The following TULP2 variants were observed in gnomAD, a reference collection of about 807,000 sequenced individuals.
The protein encoded by TULP2 is tubby-related protein 2.
Under a neutral mutation model 60.3 loss-of-function variants are expected in TULP2, and 64 were observed. That is an observed-to-expected ratio of 1.06 (90% CI 0.87 to 1.31). TULP2 has a LOEUF of 1.31. Among genes scored for constraint, TULP2 ranks in the 50% most tolerant of loss-of-function variants. The pLI is 0.00. For synonymous variants in TULP2, 267 were observed against 265.4 expected (o/e 1.01, Z -0.06); for missense variants, 652 against 667.0 (o/e 0.98, Z 0.25).
Position 48,897,982 on chromosome 19 carries a change from T to G in TULP2, c.-1-113A>C. 1 of 906,514 alleles carries G rather than the reference T, an allele frequency of 1.1e-6. No individual in the cohort carries two copies. The highest frequency in any genetic ancestry group is 1.7e-5 in the African/African-American group (1 of 57,612). 56.2% of individuals were successfully genotyped at this position (906,514 alleles called of 1,614,324 possible). ...TTATTTATTTATTTATTTATTTATG[T>G]ATTTAGAGACAGCTGAGCCTCGCTC... is the stretch of plus-strand genomic sequence containing the variant. On this transcript the variant is annotated intron_variant, in intron 1 of 12. Transcript: ENST00000221399. This position sits in a 1 kb window ranked among gnomAD's most constrained non-coding sequence, Gnocchi z 4.0.
Position 48,897,410 on chromosome 19 carries a change from A to G in TULP2, c.33-14T>C. ...TGCCCCAGGATGCTGAGAGAGACAC[A>G]GGCCCATGGTGACAGTGCACAGGGA... On this transcript the variant is annotated splice_polypyrimidine_tract_variant and intron_variant, in intron 2 of 12. Coordinates refer to ENST00000221399, the MANE Select transcript of TULP2 (RefSeq NM_003323.3). The surrounding 1 kb of genome is among the most constrained non-coding windows in gnomAD (Gnocchi z 4.0). 1.2e-6 allele frequency: 2 copies of G among 1,613,198 alleles called. No homozygotes were observed. The highest frequency in any genetic ancestry group is 1.7e-6 in the Non-Finnish European group (2 of 1,179,596).
Position 48,895,384 on chromosome 19 carries a change from T to C in TULP2, c.331A>G (p.Thr111Ala). ...CAAATACCTGCTTCTGTCCGCGGTGTCGGGAGGCCGCGCTCGCCCCTGCCG... is the reference window on the plus strand; with the variant it reads ...CAAATACCTGCTTCTGTCCGCGGTGCCGGGAGGCCGCGCTCGCCCCTGCCG... ...GDGRGERGLP[T>A]PRTEAVFRNL... The change falls in exon 5 of 13, where the codon ACA becomes GCA. Residue 111 changes from threonine (T) to alanine (A), a missense_variant. Coordinates refer to ENST00000221399, the MANE Select transcript of TULP2 (RefSeq NM_003323.3). 1 of 1,613,772 alleles carries C rather than the reference T, an allele frequency of 6.2e-7. No individual in the cohort carries two copies. Among genetic ancestry groups the C allele is most frequent in the Non-Finnish European group, 8.5e-7 (1 of 1,179,830 alleles).
intron 7 of TULP2, among the ~76,000 whole-genome samples, chr19:48,889,030 G>A (rs1262808601): frequency 6.7e-6 from 1 of 150,042 alleles, no homozygotes; most frequent in Admixed American, 6.7e-5. Context: ...TGTCTCCCGG[G>A]CTGGAGTGCA....
In TULP2 at chr19:48,897,434, G is replaced by A. The variant is rs770366792; in HGVS notation, c.33-38C>T. 3.4e-5 allele frequency: 54 copies of A among 1,608,958 alleles called. No homozygotes were observed. In the African/African-American group the frequency reaches 6.7e-4, roughly 20 times the overall value. ...CAGGCCCATGGTGACAGTGCACAGG[G>A]AACCTCGGTTGCCCAAGAGAGTCCC... is the stretch of plus-strand genomic sequence containing the variant. On this transcript the variant is annotated intron_variant, in intron 2 of 12. Transcript: ENST00000221399. This position sits in a 1 kb window ranked among gnomAD's most constrained non-coding sequence, Gnocchi z 4.0.
intron 4 of TULP2, 115 bp downstream of exon 4, chr19:48,896,315 C>T: frequency 7.2e-7 from 1 of 1,382,474 alleles, no homozygotes; most frequent in South Asian, 1.5e-5. Context: ...GGCCCGCCCC[C>T]ATCCACTGCC....
Position 48,887,878 on chromosome 19 carries a change from C to T in TULP2, c.948+72G>A, listed in dbSNP as rs544532897. 2.9e-4 allele frequency: 439 copies of T among 1,527,300 alleles called. 4 individuals carry two copies. The South Asian group carries it at 5.1e-3, about 18-fold the overall frequency. 94.6% of individuals were successfully genotyped at this position (1,527,300 alleles called of 1,614,324 possible). A position where few individuals can be genotyped will look rare whatever the true frequency, so the allele number is the denominator to read the frequency against. ...CAGCCCCAGGCTGGTCTTGACCTAGCTCAGAAAGGAGTGGGATTTTGCCTG... is the reference window on the plus strand; with the variant it reads ...CAGCCCCAGGCTGGTCTTGACCTAGTTCAGAAAGGAGTGGGATTTTGCCTG... On this transcript the variant is annotated intron_variant, in intron 8 of 12. Coordinates refer to ENST00000221399, the MANE Select transcript of TULP2 (RefSeq NM_003323.3).
chr19:48,895,295 AG>A (rs1242370598), intron 5 of TULP2, 70 bp downstream of exon 5: 17 of 1,586,588 alleles, frequency 1.1e-5, no homozygotes, highest in Non-Finnish European at 1.5e-5. Context: ...AGATGGATTG[AG>A]GCACCAGACT....
intron 8 of TULP2, among the ~76,000 whole-genome samples, chr19:48,886,390 TCTC>T (rs886411227): frequency 4.5e-4 from 69 of 151,858 alleles, no homozygotes; most frequent in African/African-American, 1.6e-3. Flanking sequence ...TATCTTAATA[TCTC>T]CTCCTCATTC....
rs2037138494 is a variant in TULP2, at chr19:48,882,098, G to T, written c.1381C>A (p.Leu461Ile). The T allele has an allele frequency of 1.9e-6, 3 of 1,614,098 alleles. No individual in the cohort carries two copies. Among genetic ancestry groups the T allele is most frequent in the Admixed American group, 1.7e-5 (1 of 59,998 alleles). The change falls in exon 12 of 13, where the codon CTC becomes ATC. Residue 461 changes from leucine (L) to isoleucine (I), a missense_variant. By Grantham distance (5) the Leu-to-Ile change is conservative. Coordinates refer to ENST00000221399, the MANE Select transcript of TULP2 (RefSeq NM_003323.3). ...SWDKENGVYT[L>I]NFHGRVTRAS... ...CGAGTGACTCGACCATGGAAATTGA[G>T]CGTGTAGACACCGTTCTCCTTGTCC...
chr19:48,892,395 C>G (rs538841563), intron 6 of TULP2, among the ~76,000 whole-genome samples: 1 of 152,364 alleles, frequency 6.6e-6, no homozygotes, highest in African/African-American at 2.4e-5. Context: ...GCACATCCTG[C>G]CCAGCCCTAA....
chr19:48,888,303 G>T (rs375159358), intron 7 of TULP2, 42 bp from the exon 8 acceptor site: 60 of 1,541,422 alleles, frequency 3.9e-5, no homozygotes, highest in Non-Finnish European at 5.2e-5. Flanking sequence ...ACAACCACCG[G>T]CCCAGCCTTG....
intron 6 of TULP2, among the ~76,000 whole-genome samples, chr19:48,889,945 C>T (rs559674410): frequency 6.6e-6 from 1 of 152,338 alleles, no homozygotes; most frequent in South Asian, 2.1e-4. Flanking sequence ...GGCGCAGGGA[C>T]CTCTGCCTAG....
At position 48,883,954 on chromosome 19, in the gene TULP2, T is replaced by C. The variant is rs751910013; in HGVS notation, c.1154A>G (p.Gln385Arg). The C allele has an allele frequency of 6.2e-7, 1 of 1,614,116 alleles. No individual in the cohort carries two copies. The highest frequency in any genetic ancestry group is 1.1e-5 in the South Asian group (1 of 91,082). ...HLTRNTARIR[Q>R]ELGAVCYEPN... ...CACATAACACACAGCCCCCAGCTCC[T>C]GTCTGATCCGGGCAGTATTCCTGGT... The change falls in exon 10 of 13, where the codon CAG becomes CGG. Residue 385 changes from glutamine (Q) to arginine (R), a missense_variant. Coordinates refer to ENST00000221399, the MANE Select transcript of TULP2 (RefSeq NM_003323.3).
In TULP2 at chr19:48,895,395, C is replaced by T; in HGVS notation, c.320G>A (p.Arg107His). 2 of 1,613,834 alleles carry T rather than the reference C, an allele frequency of 1.2e-6. No individual in the cohort carries two copies. The highest frequency in any genetic ancestry group is 1.7e-5 in the Admixed American group (1 of 59,988). The change falls in exon 5 of 13, where the codon CGC (arginine) becomes CAC (histidine). Residue 107 changes from arginine to histidine, a missense_variant. Arg to His is a conservative substitution (Grantham distance 29). Coordinates refer to ENST00000221399, the MANE Select transcript of TULP2 (RefSeq NM_003323.3). ...VSCGGDGRGERGLPTPRTEAV... is the reference protein window; with the variant it reads ...VSCGGDGRGEHGLPTPRTEAV... ...TTCTGTCCGCGGTGTCGGGAGGCCGCGCTCGCCCCTGCCGTCTCCACCACA... is the reference window on the plus strand; with the variant it reads ...TTCTGTCCGCGGTGTCGGGAGGCCGTGCTCGCCCCTGCCGTCTCCACCACA...
chr19:48,885,500 G>A lies in TULP2; in HGVS notation c.1009C>T (p.Leu337=). 6.2e-7 allele frequency: 1 copy of A among 1,613,984 alleles called. No homozygotes were observed. Among genetic ancestry groups the A allele is most frequent in the South Asian group, 1.1e-5 (1 of 91,068 alleles). The change falls in exon 9 of 13, where the codon CTG becomes TTG. Residue 337 remains leucine, a synonymous_variant. Coordinates refer to ENST00000221399, the MANE Select transcript of TULP2 (RefSeq NM_003323.3). The stretch of plus-strand genomic sequence containing the variant: ...TCCCGAGATAGGTGTGTAGGATCCA[G>A]GGAGATGAGGTAATTAGAAGTTTTG... ...RSKTSNYLIS[L]DPTHLSRDGD...
chr19:48,883,582 G>T (rs954553796), intron 11 of TULP2, among the ~76,000 whole-genome samples, 172 bp downstream of exon 11: 5 of 152,058 alleles, frequency 3.3e-5, no homozygotes, highest in African/African-American at 1.2e-4. Flanking sequence ...TGAGTCTCTA[G>T]TCTTTTACTC....
At chr19:48,893,594 C>T (rs9941449) in intron 6 of TULP2, among the ~76,000 whole-genome samples, 28,884 of 151,914 alleles carry the variant, frequency 0.19, 3,541 homozygotes, top group African/African-American at 0.35. Context: ...CGCTCTTTCA[C>T]CCTGGCTGGA....
chr19:48,894,329 T>A (rs924945543), intron 6 of TULP2, among the ~76,000 whole-genome samples: 22 of 152,092 alleles, frequency 1.4e-4, no homozygotes, highest in South Asian at 2.1e-4. Context: ...TTTTTAAAAA[T>A]TTTTTTAAAT....
In TULP2 at chr19:48,888,176, G is replaced by A. The variant is rs774430577; in HGVS notation, c.722C>T (p.Ala241Val). The A allele has an allele frequency of 4.3e-6, 7 of 1,614,058 alleles. No homozygotes were observed. Among genetic ancestry groups the A allele is most frequent in the Non-Finnish European group, 5.9e-6 (7 of 1,180,036 alleles). ...SAAHNEELSK[A>V]LKGEGGTDSD... ...GTCCGTGCCACCCTCGCCTTTCAGG[G>A]CCTTGGACAACTCTTCGTTGTGTGC... Residue 241 changes from alanine (A) to valine (V), a missense_variant, in exon 8 of 13, where the codon GCC (alanine) becomes GTC (valine). Transcript: ENST00000221399.
Sources: gnomAD v4.1 joint callset for allele counts (sites outside exome capture counted in the v4.1 genomes callset) on GRCh38, gnomAD v4.1.1 for gene constraint, Gnocchi (gnomAD v3.1) non-coding constraint, MANE v1.5 for transcripts, NCBI Gene and HGNC (gene_info 2026-07-23, HGNC 2026-07-21) for gene names.